Variants in CUBN observed in about 807,000 individuals in gnomAD.
CUBN encodes cubilin.
Under a neutral mutation model 405.3 loss-of-function variants are expected in CUBN, and 282 were observed. The observed-to-expected ratio is 0.70, with a 90% CI of 0.63 to 0.77. CUBN has a LOEUF of 0.77. CUBN is among the 30% of genes least tolerant of loss of function. The pLI, the probability that CUBN is intolerant of heterozygous loss-of-function variation, is 0.00. For missense variants in CUBN, 4,514 were observed against 4,475.2 expected, an observed-to-expected ratio of 1.01 and a Z score of -0.25; for synonymous variants, 1,684 against 1,617.0, an observed-to-expected ratio of 1.04 and a Z score of -0.99.
At chr10:17,082,398 G>A (rs1451828432) in intron 17 of CUBN, among the ~76,000 whole-genome samples, 1 of 152,178 alleles carries the variant, frequency 6.6e-6, no homozygotes, top group African/African-American at 2.4e-5. Context: ...CCAGTTTTAT[G>A]ATTTTTTGTG....
intron 36 of CUBN, among the ~76,000 whole-genome samples, chr10:16,942,571 G>T (rs1347941790): frequency 6.6e-6 from 1 of 152,070 alleles, no homozygotes; most frequent in Non-Finnish European, 1.5e-5. Context: ...TTTAAAAATA[G>T]AAAATAAGAA....
At chr10:16,975,909 G>C (rs1325835785) in intron 31 of CUBN, among the ~76,000 whole-genome samples, 1 of 150,890 alleles carries the variant, frequency 6.6e-6, no homozygotes, top group African/African-American at 2.4e-5. Flanking sequence ...GATTACAGTT[G>C]TGAGCCACCA....
chr10:16,835,053 G>GC lies in CUBN; in HGVS notation c.10322dup (p.Ile3442HisfsTer6). The GC allele has an allele frequency of 6.2e-7, 1 of 1,614,118 alleles. No individual in the cohort carries two copies. The highest frequency in any genetic ancestry group is 8.5e-7 in the Non-Finnish European group (1 of 1,180,010). ...TTCTGCATTCAACTGAGTTCTCGAT[G>GC]CCAAGTGAATGAAAAAAGAGGGAAA... On this transcript the variant is annotated frameshift_variant, in exon 64 of 67. Transcript: ENST00000377833. LOFTEE classifies it high-confidence loss of function.
intron 45 of CUBN, 76 bp from the exon 46 acceptor site, chr10:16,916,106 T>C: frequency 7.0e-7 from 1 of 1,433,922 alleles, no homozygotes; most frequent in Non-Finnish European, 9.7e-7. Flanking sequence ...CAAATTTTGT[T>C]TTCTTCATTT....
chr10:16,915,373 A>G (rs1252171022), intron 46 of CUBN, among the ~76,000 whole-genome samples: 1 of 152,192 alleles, frequency 6.6e-6, no homozygotes, highest in Non-Finnish European at 1.5e-5. Flanking sequence ...AAAAAATGCA[A>G]CCAATTAGGG....
At chr10:16,951,492 G>C (rs1429335309) in intron 33 of CUBN, among the ~76,000 whole-genome samples, 1 of 152,168 alleles carries the variant, frequency 6.6e-6, no homozygotes, top group Non-Finnish European at 1.5e-5. Context: ...CATTATGCCT[G>C]AAACTGTATT....
intron 35 of CUBN, 92 bp downstream of exon 35, chr10:16,948,386 C>T: frequency 6.4e-7 from 1 of 1,571,492 alleles, no homozygotes; most frequent in Non-Finnish European, 8.7e-7. Context: ...GAAACTGGCT[C>T]CCAACTACGA....
At chr10:16,831,592 G>GA (rs1258721289) in intron 64 of CUBN, among the ~76,000 whole-genome samples, 175 bp from the exon 65 acceptor site, 1 of 152,322 alleles carries the variant, frequency 6.6e-6, no homozygotes, top group East Asian at 1.9e-4. Flanking sequence ...TTGCAAAGGG[G>GA]AAAAATGTTC....
At chr10:16,987,686 T>A (rs1172798374) in intron 29 of CUBN, among the ~76,000 whole-genome samples, 1 of 152,134 alleles carries the variant, frequency 6.6e-6, no homozygotes, top group Non-Finnish European at 1.5e-5. Flanking sequence ...CACATGCCCA[T>A]CATGGGTAAC....
chr10:17,099,415 T>C (rs949575096), intron 14 of CUBN, among the ~76,000 whole-genome samples: 8 of 152,190 alleles, frequency 5.3e-5, no homozygotes, highest in East Asian at 1.9e-4. Context: ...AAACTACTAG[T>C]AGAGCTTATA....
At chr10:17,029,506 TATCATGC>T in intron 27 of CUBN, among the ~76,000 whole-genome samples, 1 of 152,368 alleles carries the variant, frequency 6.6e-6, no homozygotes, top group East Asian at 1.9e-4. Context: ...TGAATCCAGG[TATCATGC>T]TTAGTACGGT....
At chr10:17,049,401 G>A (rs12570894) in intron 22 of CUBN, among the ~76,000 whole-genome samples, 17,101 of 152,146 alleles carry the variant, frequency 0.11, 1,748 homozygotes, top group African/African-American at 0.27. Context: ...TACTCCTGGA[G>A]GGGAAATACA....
chr10:16,832,874 T>C (rs1839051190), intron 64 of CUBN, among the ~76,000 whole-genome samples: 1 of 152,188 alleles, frequency 6.6e-6, no homozygotes, highest in Admixed American at 6.5e-5. Context: ...AACGGAATGC[T>C]GAGGCTTCCT....
chr10:16,853,263 C>T (rs1371987081), intron 59 of CUBN, among the ~76,000 whole-genome samples: 3 of 152,188 alleles, frequency 2.0e-5, no homozygotes, highest in Non-Finnish European at 4.4e-5. Flanking sequence ...TAAACTGGTG[C>T]TGAAATTAAT....
chr10:16,971,781 T>G (rs1832942986), intron 31 of CUBN, among the ~76,000 whole-genome samples: 1 of 152,124 alleles, frequency 6.6e-6, no homozygotes, highest in Non-Finnish European at 1.5e-5. Context: ...CCACCTGCCC[T>G]CTTCACACAA....
intron 59 of CUBN, among the ~76,000 whole-genome samples, chr10:16,867,096 G>C (rs1389070132): frequency 1.3e-5 from 2 of 152,176 alleles, no homozygotes; most frequent in African/African-American, 2.4e-5. Context: ...TTTTAGTTAA[G>C]ATCGAAACGG....
In CUBN at chr10:16,952,287, G is replaced by A. The variant is rs753664757; in HGVS notation, c.4958C>T (p.Ala1653Val). 4 of 1,611,456 alleles carry A rather than the reference G, an allele frequency of 2.5e-6. No homozygotes were observed. The highest frequency in any genetic ancestry group is 1.7e-5 in the Admixed American group (1 of 59,970). ...TTTTTGTTACTTACATGGAGGTTGC[G>A]CTTGAATGATCCAGCTGCAGTTCTG... ...NNQNCSWIIQ[A>V]QPPLNHITLS... The change falls in exon 33 of 67, where the codon GCG becomes GTG. Residue 1653 changes from alanine to valine, a missense_variant. Transcript: ENST00000377833.
chr10:16,829,392 AGTT>A (rs1349780213), intron 65 of CUBN, among the ~76,000 whole-genome samples: 10 of 151,974 alleles, frequency 6.6e-5, no homozygotes, highest in African/African-American at 2.4e-4. Flanking sequence ...GAGAAAATCA[AGTT>A]GTTGTCTGTG....
chr10:16,980,384 A>C (rs1833231536), intron 31 of CUBN, among the ~76,000 whole-genome samples: 2 of 152,236 alleles, frequency 1.3e-5, no homozygotes, highest in African/African-American at 4.8e-5. Flanking sequence ...ATAAAGAGAG[A>C]TGCACACGTA....
Sources: gnomAD v4.1 joint callset for allele counts (sites outside exome capture counted in the v4.1 genomes callset) on GRCh38, gnomAD v4.1.1 for gene constraint, MANE v1.5 for transcripts, NCBI Gene and HGNC (gene_info 2026-07-23, HGNC 2026-07-21) for gene names.